Variants in BPNT1 observed in about 807,000 individuals in gnomAD.
BPNT1 encodes the protein 3'(2'),5'-bisphosphate nucleotidase 1.
A neutral mutation model predicts 36.9 loss-of-function variants in BPNT1; 28 were observed. The observed-to-expected ratio is 0.76, with a 90% CI of 0.56 to 1.04. BPNT1 has a LOEUF of 1.04. Ranked by LOEUF, BPNT1 falls within the 50% of genes least tolerant of loss-of-function variation. BPNT1 has a pLI of 0.00. For missense variants in BPNT1, 313 were observed against 372.9 expected (o/e 0.84, Z 1.32); for synonymous variants, 119 against 130.9 (o/e 0.91, Z 0.62).
chr1:220,083,364 G>A (rs1052118845), intron 1 of BPNT1, among the ~76,000 whole-genome samples: 7 of 148,432 alleles, frequency 4.7e-5, no homozygotes, highest in Non-Finnish European at 5.9e-5. Context: ...TCGCTCTATC[G>A]CCCAGGCTGG....
At chr1:220,084,053 C>T (rs1014779826) in intron 1 of BPNT1, among the ~76,000 whole-genome samples, 17 of 152,144 alleles carry the variant, frequency 1.1e-4, no homozygotes, top group Admixed American at 6.6e-4. Context: ...AGAAATAGGG[C>T]GGGGCGCAGT....
chr1:220,075,364 A>G (rs1004536842), intron 2 of BPNT1, among the ~76,000 whole-genome samples: 1 of 152,166 alleles, frequency 6.6e-6, no homozygotes, highest in African/African-American at 2.4e-5. Flanking sequence ...AATTTTAACA[A>G]TACTTTGCAA....
At chr1:220,073,754 T>G (rs2053250) in intron 3 of BPNT1, among the ~76,000 whole-genome samples, 2 of 152,090 alleles carry the variant, frequency 1.3e-5, no homozygotes, top group Admixed American at 6.6e-5. Context: ...TCTTCTATGG[T>G]CAATAATTAA....
At chr1:220,083,919 T>G (rs1171448545) in intron 1 of BPNT1, among the ~76,000 whole-genome samples, 1 of 152,112 alleles carries the variant, frequency 6.6e-6, no homozygotes, top group East Asian at 1.9e-4. Flanking sequence ...TAACTATATA[T>G]AATGTGTTTG....
chr1:220,085,980 T>C (rs908348746), intron 1 of BPNT1, among the ~76,000 whole-genome samples: 5 of 152,234 alleles, frequency 3.3e-5, no homozygotes, highest in African/African-American at 1.2e-4. Flanking sequence ...AAATTATTTA[T>C]ATTTTGGAAC....
At chr1:220,063,119 C>G (rs1291612068) in intron 6 of BPNT1, among the ~76,000 whole-genome samples, 165 bp from the exon 7 acceptor site, 4 of 152,150 alleles carry the variant, frequency 2.6e-5, no homozygotes, top group Non-Finnish European at 5.9e-5. Flanking sequence ...GAGGCCGAGG[C>G]GGGCGGATCA....
chr1:220,070,472 A>C (rs1440206203), intron 4 of BPNT1, among the ~76,000 whole-genome samples: 1 of 151,924 alleles, frequency 6.6e-6, no homozygotes, highest in Non-Finnish European at 1.5e-5. Flanking sequence ...CAGCCTCCCA[A>C]GTAGCTGGGA....
chr1:220,061,788 G>T (rs1156452954), intron 7 of BPNT1, among the ~76,000 whole-genome samples: 1 of 152,036 alleles, frequency 6.6e-6, no homozygotes, highest in African/African-American at 2.4e-5. Flanking sequence ...ATATCTAGGG[G>T]ACAATCAGAT....
rs1372077156 is a variant in BPNT1, at chr1:220,074,062, T to C, written c.130A>G (p.Thr44Ala). 3 of 1,613,446 alleles carry C rather than the reference T, an allele frequency of 1.9e-6. No individual in the cohort carries two copies. Among genetic ancestry groups the C allele is most frequent in the Non-Finnish European group, 2.5e-6 (3 of 1,179,924 alleles). Residue 44 changes from threonine to alanine, a missense_variant, in exon 3 of 9, where the codon ACA becomes GCA. By Grantham distance (58) the Thr-to-Ala change is moderately conservative. Transcript: ENST00000322067. Reference sequence around the variant, plus strand: ...CGGTCAGCTTTGGTCTGCAGGTCTGTTGCACAGGTCTGTAATAAAGAATGC... The same window carrying C: ...CGGTCAGCTTTGGTCTGCAGGTCTGCTGCACAGGTCTGTAATAAAGAATGC... ...DLGIVEKTCA[T>A]DLQTKADRLA...
intron 2 of BPNT1, among the ~76,000 whole-genome samples, chr1:220,076,435 A>G (rs1664551538): frequency 6.7e-6 from 1 of 149,212 alleles, no homozygotes. Context: ...TGGGAGGCAG[A>G]GCTTGTAGTG....
At position 220,062,623 on chromosome 1, in the gene BPNT1, T is replaced by C. The variant is rs947501607; in HGVS notation, c.672+134A>G. The C allele has an allele frequency of 1.5e-5, 14 of 932,596 alleles. No homozygotes were observed. In the African/African-American group the frequency reaches 2.3e-4, roughly 15 times the overall value. 57.8% of individuals were successfully genotyped at this position (932,596 alleles called of 1,614,324 possible). The stretch of plus-strand genomic sequence containing the variant: ...AAACATACGTGTGCATGTGTCTTTA[T>C]AGCAGCATGATTTATAGTCCTTTGG... On this transcript the variant is annotated intron_variant, in intron 7 of 8. Coordinates refer to ENST00000322067, the MANE Select transcript of BPNT1 (RefSeq NM_006085.6).
At position 220,058,918 on chromosome 1, in the gene BPNT1, G is replaced by A; in HGVS notation, c.853C>T (p.Leu285=). 1 of 1,613,954 alleles carries A rather than the reference G, an allele frequency of 6.2e-7. No individual in the cohort carries two copies. The highest frequency in any genetic ancestry group is 8.5e-7 in the Non-Finnish European group (1 of 1,179,854). ...DVKHMNSAGV[L]ATLRNYDYYA... The stretch of plus-strand genomic sequence containing the variant: ...TAGTCATAATTCCTCAGTGTGGCCA[G>A]GACTCCTGCAGAGTTCATATGCTTC... The change falls in exon 9 of 9, where the codon CTG becomes TTG. Residue 285 remains leucine (L), a synonymous_variant. Coordinates refer to ENST00000322067, the MANE Select transcript of BPNT1 (RefSeq NM_006085.6).
At chr1:220,078,422 AAAT>A (rs1310872386) in intron 2 of BPNT1, among the ~76,000 whole-genome samples, 122 of 142,512 alleles carry the variant, frequency 8.6e-4, no homozygotes, top group Admixed American at 1.7e-3. Context: ...TTATAATAAT[AAAT>A]AATAATTATA....
intron 1 of BPNT1, among the ~76,000 whole-genome samples, chr1:220,082,127 A>G (rs1655224207): frequency 6.9e-6 from 1 of 145,384 alleles, no homozygotes; most frequent in Admixed American, 7.0e-5. Context: ...GAGAGTGTAT[A>G]TATATATAAA....
At chr1:220,081,359 A>G (rs1170878519) in intron 1 of BPNT1, among the ~76,000 whole-genome samples, 1 of 152,106 alleles carries the variant, frequency 6.6e-6, no homozygotes, top group Non-Finnish European at 1.5e-5. Context: ...CCTGACCAAC[A>G]TGGTGAAACC....
chr1:220,085,479 T>C (rs1341603610), intron 1 of BPNT1, among the ~76,000 whole-genome samples: 1 of 152,152 alleles, frequency 6.6e-6, no homozygotes, highest in Non-Finnish European at 1.5e-5. Flanking sequence ...ATGGAGACAA[T>C]AGTACTCATA....
At chr1:220,083,268 A>G (rs142839473) in intron 1 of BPNT1, among the ~76,000 whole-genome samples, 2,264 of 151,846 alleles carry the variant, frequency 0.015, 19 homozygotes, top group Non-Finnish European at 0.022. Flanking sequence ...ATGTAAGGTA[A>G]TGAATACCGT....
At chr1:220,078,479 A>T (rs9430912) in intron 2 of BPNT1, among the ~76,000 whole-genome samples, 1 of 140,394 alleles carries the variant, frequency 7.1e-6, no homozygotes, top group Admixed American at 7.6e-5. Context: ...AATTTATAAT[A>T]AATAATAATT....
Position 220,057,967 on chromosome 1 carries a change from G to A in BPNT1, c.*877C>T. 2.5e-6 allele frequency: 2 copies of A among 805,538 alleles called. No homozygotes were observed. Among genetic ancestry groups the A allele is most frequent in the Non-Finnish European group, 3.5e-6 (2 of 565,622 alleles). The allele number at this position is 805,538 out of a possible 1,614,324, so 49.9% of individuals were successfully genotyped here. ...CCGAGGCAGACAGATCACGATGTCAGGAGATCAAGACCATCCTGGCTAACA... is the reference window on the plus strand; with the variant it reads ...CCGAGGCAGACAGATCACGATGTCAAGAGATCAAGACCATCCTGGCTAACA... On this transcript the variant is annotated 3_prime_UTR_variant, in exon 9 of 9. Transcript: ENST00000322067.
Sources: gnomAD v4.1 joint callset for allele counts (sites outside exome capture counted in the v4.1 genomes callset) on GRCh38, gnomAD v4.1.1 for gene constraint, MANE v1.5 for transcripts, NCBI Gene and HGNC (gene_info 2026-07-23, HGNC 2026-07-21) for gene names.